AK5: variants seen among roughly 807,000 people sequenced by gnomAD.
AK5 encodes the protein adenylate kinase isoenzyme 5.
In AK5, 27 loss-of-function variants were observed where a neutral mutation model predicts 69.5. That is an observed-to-expected ratio of 0.39 (90% CI 0.29 to 0.54). The LOEUF is 0.54. Ranked by LOEUF, AK5 falls within the 20% of genes least tolerant of loss-of-function variation. The probability of loss-of-function intolerance (pLI) is 0.71; values close to 1 mark genes in which losing one functional copy is unlikely to be tolerated. For missense variants in AK5, 531 were observed against 700.4 expected (o/e 0.76, Z 2.73); for synonymous variants, 260 against 244.4 (o/e 1.06, Z -0.60).
chr1:77,506,117 G>A (rs921233284), intron 10 of AK5, among the ~76,000 whole-genome samples: 1 of 152,082 alleles, frequency 6.6e-6, no homozygotes, highest in African/African-American at 2.4e-5. Flanking sequence ...CTTTTGAAAA[G>A]CAGCTCTGGT....
chr1:77,422,930 T>C (rs1205242661), intron 8 of AK5, among the ~76,000 whole-genome samples: 1 of 152,134 alleles, frequency 6.6e-6, no homozygotes, highest in Non-Finnish European at 1.5e-5. Context: ...TTAGAAGTAC[T>C]GTTGGCTGGG....
At chr1:77,366,027 C>A (rs1646944158) in intron 6 of AK5, among the ~76,000 whole-genome samples, 1 of 152,060 alleles carries the variant, frequency 6.6e-6, no homozygotes, top group African/African-American at 2.4e-5. Context: ...GACCAAACAC[C>A]ACCTGTTCCC....
At chr1:77,314,097 G>A (rs1660113695) in intron 5 of AK5, 4 of 339,172 alleles carry the variant, frequency 1.2e-5, no homozygotes, top group South Asian at 9.3e-5. Flanking sequence ...ACCCATATAT[G>A]TTAATATATT....
chr1:77,376,784 T>TA (rs565050418), intron 6 of AK5, among the ~76,000 whole-genome samples: 11 of 151,558 alleles, frequency 7.3e-5, no homozygotes, highest in Non-Finnish European at 1.2e-4. Context: ...TACAAAAAGA[T>TA]AAAAAAAATT....
At chr1:77,488,894 C>T (rs1017638786) in intron 10 of AK5, among the ~76,000 whole-genome samples, 21 of 24,988 alleles carry the variant, frequency 8.4e-4, no homozygotes, top group African/African-American at 1.5e-3. Context: ...ATCCTTCAAT[C>T]CAATCAAGTC....
At chr1:77,356,513 A>G (rs913933135) in intron 6 of AK5, among the ~76,000 whole-genome samples, 1 of 152,204 alleles carries the variant, frequency 6.6e-6, no homozygotes, top group African/African-American at 2.4e-5. Flanking sequence ...GCCATTCACG[A>G]GTTCTTGACC....
At chr1:77,370,031 G>A (rs899864501) in intron 6 of AK5, among the ~76,000 whole-genome samples, 4 of 152,168 alleles carry the variant, frequency 2.6e-5, no homozygotes, top group African/African-American at 9.7e-5. Context: ...CCTTCCCAAA[G>A]CAGCATCCAG....
intron 6 of AK5, chr1:77,346,349 AT>A (rs1364793521): frequency 6.6e-6 from 1 of 152,238 alleles, no homozygotes; most frequent in African/African-American, 2.4e-5. Flanking sequence ...CTGACTTCAC[AT>A]TTCATAGGAA....
chr1:77,313,710 G>T, intron 5 of AK5: 1 of 457,584 alleles, frequency 2.2e-6, no homozygotes, highest in South Asian at 1.6e-5. Flanking sequence ...CTGGGTTTGT[G>T]GGTTTGCTTT....
chr1:77,471,553 G>T (rs577860600), intron 8 of AK5, among the ~76,000 whole-genome samples: 5 of 152,136 alleles, frequency 3.3e-5, no homozygotes, highest in Non-Finnish European at 7.3e-5. Context: ...CTTTGGGGCT[G>T]GTTAGAGACC....
At chr1:77,283,422 C>T (rs1044700752) in intron 1 of AK5, 1 of 984,194 alleles carries the variant, frequency 1.0e-6, no homozygotes, top group Non-Finnish European at 1.2e-6. Context: ...AACTAAAGGT[C>T]ATGAGGGTTT....
intron 5 of AK5, among the ~76,000 whole-genome samples, chr1:77,333,552 A>G (rs6603940): frequency 0.12 from 17,290 of 142,742 alleles, 1,376 homozygotes; most frequent in Non-Finnish European, 0.17. Flanking sequence ...TCTCCCCCCC[A>G]CCATGCTAGT....
chr1:77,418,427 T>G (rs1017087800), intron 8 of AK5, among the ~76,000 whole-genome samples: 1 of 152,134 alleles, frequency 6.6e-6, no homozygotes, highest in African/African-American at 2.4e-5. Context: ...GAGATTTGGG[T>G]GGGGACACAG....
At position 77,536,199 on chromosome 1, in the gene AK5, G is replaced by A. The variant is rs567856287; in HGVS notation, c.1620+161G>A. 2.6e-5 allele frequency among the ~76,000 whole-genome samples: 4 copies of A among 152,230 alleles called. No individual in the cohort carries two copies. The East Asian group carries it at 7.7e-4, about 29-fold the overall frequency. Reference sequence around the variant, plus strand: ...CAAAAGGCCCAGCACAGTGGCTTATGCCTGTAATCCCAACACTGTGGGAAG... The same window carrying A: ...CAAAAGGCCCAGCACAGTGGCTTATACCTGTAATCCCAACACTGTGGGAAG... On this transcript the variant is annotated intron_variant, in intron 13 of 13. Transcript: ENST00000354567.
intron 8 of AK5, among the ~76,000 whole-genome samples, chr1:77,439,249 G>A (rs527882861): frequency 3.3e-4 from 50 of 152,230 alleles, no homozygotes; most frequent in African/African-American, 9.4e-4. Flanking sequence ...CAAAGGAAGC[G>A]AACATTTTCT....
At chr1:77,440,813 G>A (rs1557595527) in intron 8 of AK5, among the ~76,000 whole-genome samples, 1 of 151,834 alleles carries the variant, frequency 6.6e-6, no homozygotes, top group Non-Finnish European at 1.5e-5. Flanking sequence ...GCAATGGCAT[G>A]CAATCTCAGC....
At chr1:77,376,061 A>G (rs946570413) in intron 6 of AK5, among the ~76,000 whole-genome samples, 2 of 152,224 alleles carry the variant, frequency 1.3e-5, no homozygotes, top group African/African-American at 4.8e-5. Flanking sequence ...AATGTTTAAC[A>G]GTTTCTTATG....
At chr1:77,374,858 T>A (rs956007346) in intron 6 of AK5, among the ~76,000 whole-genome samples, 8 of 152,252 alleles carry the variant, frequency 5.3e-5, no homozygotes, top group African/African-American at 1.2e-4. Flanking sequence ...AAAAATCAGT[T>A]AAATATTCAC....
At chr1:77,554,709 C>T (rs1281960929) in intron 13 of AK5, among the ~76,000 whole-genome samples, 2 of 151,828 alleles carry the variant, frequency 1.3e-5, no homozygotes, top group Non-Finnish European at 2.9e-5. Flanking sequence ...GGGTTCACGC[C>T]ATTCTCCTGC....
Sources: gnomAD v4.1 joint callset for allele counts (sites outside exome capture counted in the v4.1 genomes callset) on GRCh38, gnomAD v4.1.1 for gene constraint, MANE v1.5 for transcripts, NCBI Gene and HGNC (gene_info 2026-07-23, HGNC 2026-07-21) for gene names.